Variants in MAPRE2 observed in about 807,000 individuals in gnomAD.
The protein encoded by MAPRE2 is microtubule associated protein RP/EB family member 2.
A neutral mutation model predicts 43.2 loss-of-function variants in MAPRE2; 13 were observed. The observed-to-expected ratio is 0.30, with a 90% confidence interval of 0.20 to 0.48. The LOEUF (loss-of-function observed/expected upper bound fraction) is 0.48, where lower values mean the gene tolerates loss of function less well. Ranked by LOEUF, MAPRE2 falls within the 20% of genes least tolerant of loss-of-function variation. The pLI, the probability that MAPRE2 is intolerant of heterozygous loss-of-function variation, is 0.99. For synonymous variants in MAPRE2, 135 were observed against 148.8 expected, an observed-to-expected ratio of 0.91 and a Z score of 0.68; for missense variants, 161 against 400.2, an observed-to-expected ratio of 0.40 and a Z score of 5.10.
intron 1 of MAPRE2, among the ~76,000 whole-genome samples, chr18:35,054,427 T>C (rs1230301635): frequency 6.6e-6 from 1 of 152,236 alleles, no homozygotes; most frequent in South Asian, 2.1e-4. Context: ...GTGCCACTTA[T>C]TTCGTTTAAC....
intron 1 of MAPRE2, among the ~76,000 whole-genome samples, chr18:34,991,802 C>T (rs546430811): frequency 1.5e-4 from 23 of 152,252 alleles, no homozygotes; most frequent in South Asian, 1.0e-3. Flanking sequence ...AGCAATCTGA[C>T]GCAGGTAAGC....
intron 2 of MAPRE2, among the ~76,000 whole-genome samples, chr18:35,084,299 A>G (rs1280118079): frequency 1.3e-5 from 2 of 152,266 alleles, no homozygotes; most frequent in East Asian, 3.9e-4. Context: ...ATAAAATAAC[A>G]TTACTTTTTA....
chr18:35,116,395 A>G (rs1909413023), intron 4 of MAPRE2, among the ~76,000 whole-genome samples: 1 of 152,218 alleles, frequency 6.6e-6, no homozygotes, highest in Non-Finnish European at 1.5e-5. Flanking sequence ...GCAGCTTAAA[A>G]CAACACTTAT....
At chr18:35,081,273 A>T (rs747547554) in intron 2 of MAPRE2, among the ~76,000 whole-genome samples, 2 of 152,146 alleles carry the variant, frequency 1.3e-5, no homozygotes, top group African/African-American at 2.4e-5. Context: ...CCCTGAAGTA[A>T]ATACTGTGCA....
intron 2 of MAPRE2, chr18:35,005,638 T>G (rs1180525694): frequency 3.7e-6 from 3 of 812,644 alleles, no homozygotes; most frequent in Middle Eastern, 2.3e-4. Context: ...TGTAACAAAT[T>G]TATTTTCAAA....
chr18:35,075,602 A>G lies in MAPRE2; in HGVS notation c.250+5280A>G, dbSNP rs77057534. The stretch of plus-strand genomic sequence containing the variant: ...ATTATATTACTATTGTTAGGGAGGT[A>G]ATTGTAATGGAATATTATTCATACT... On this transcript the variant is annotated intron_variant, in intron 2 of 6. Transcript: ENST00000300249. Among the ~76,000 whole-genome samples the G allele has an allele frequency of 6.4e-3, 970 of 152,352 alleles. 8 individuals are homozygous for G. The highest frequency in any genetic ancestry group is 0.022 in the African/African-American group (935 of 41,572).
chr18:35,036,691 G>C (rs2097050755), upstream of MAPRE2, among the ~76,000 whole-genome samples: 1 of 152,036 alleles, frequency 6.6e-6, no homozygotes, highest in African/African-American at 2.4e-5. Flanking sequence ...TGAACTTTTG[G>C]GCTAAGAAAA....
rs200112747 is a variant in MAPRE2 at position 35,008,646 on chromosome 18, T to TA, written c.-8+3099dup. Among the ~76,000 whole-genome samples the TA allele has an allele frequency of 2.4e-3, 366 of 152,344 alleles. 4 individuals are homozygous for TA. Among genetic ancestry groups the TA allele is most frequent in the African/African-American group, 8.4e-3 (349 of 41,582 alleles). ...TCTTACTATCTTCCCATTTTCACTATAAAAAATGCTATGCTAAATTTTTAT... is the reference window on the plus strand; with the variant it reads ...TCTTACTATCTTCCCATTTTCACTATAAAAAAATGCTATGCTAAATTTTTAT... On this transcript the variant is annotated intron_variant, in intron 2 of 7. Transcript: ENST00000413393.
At chr18:35,117,054 CAG>C (rs1449910378) in intron 4 of MAPRE2, among the ~76,000 whole-genome samples, 1 of 152,170 alleles carries the variant, frequency 6.6e-6, no homozygotes, top group Non-Finnish European at 1.5e-5. Context: ...TGGGAGAAGA[CAG>C]TGGCCTTAAT....
intron 4 of MAPRE2, among the ~76,000 whole-genome samples, chr18:35,125,871 C>T (rs1909882949): frequency 6.6e-6 from 1 of 152,186 alleles, no homozygotes; most frequent in East Asian, 1.9e-4. Context: ...AAGTGGATCA[C>T]TTCCTTAAGG....
At position 34,982,777 on chromosome 18, in the gene MAPRE2, C is replaced by T. The variant is rs1028133667; in HGVS notation, c.-70+5698C>T. On this transcript the variant is annotated intron_variant, in intron 1 of 7. Transcript: ENST00000413393. ...TTAAGCTGTGTTGAGATAAAACTCA[C>T]GACTCCATCTGTTTCTAGAATCAGC... Among the ~76,000 whole-genome samples, 6 of 152,166 alleles carry T rather than the reference C, an allele frequency of 3.9e-5. No individual in the cohort carries two copies. In the South Asian group the frequency reaches 6.2e-4, roughly 16 times the overall value.
chr18:35,062,475 G>A (rs911361897), intron 1 of MAPRE2, among the ~76,000 whole-genome samples: 2 of 152,166 alleles, frequency 1.3e-5, no homozygotes, highest in African/African-American at 2.4e-5. Context: ...CTTTACAAGC[G>A]CATTTGAAAT....
chr18:34,991,574 G>A (rs558473502), intron 1 of MAPRE2, among the ~76,000 whole-genome samples: 28 of 152,164 alleles, frequency 1.8e-4, no homozygotes, highest in African/African-American at 4.6e-4. Flanking sequence ...GGAGTCTACC[G>A]CTATATTATA....
intron 4 of MAPRE2, among the ~76,000 whole-genome samples, chr18:35,115,846 C>T (rs1029851306): frequency 5.3e-5 from 8 of 152,156 alleles, no homozygotes; most frequent in African/African-American, 9.7e-5. Flanking sequence ...GTGCATGTGT[C>T]TTTTTCATAT....
At chr18:35,041,887 C>G in intron 1 of MAPRE2, 1 of 1,030,598 alleles carries the variant, frequency 9.7e-7, no homozygotes, top group Non-Finnish European at 1.4e-6. Context: ...TTGCTGCCTT[C>G]GAGGGGTCTC....
At chr18:35,076,495 C>G (rs925374489) in intron 2 of MAPRE2, among the ~76,000 whole-genome samples, 1 of 152,130 alleles carries the variant, frequency 6.6e-6, no homozygotes, top group African/African-American at 2.4e-5. Flanking sequence ...CCCCCTCCCT[C>G]TTAAGTCAGA....
chr18:35,028,922 C>T (rs1356493266), intron 2 of MAPRE2, among the ~76,000 whole-genome samples: 1 of 152,184 alleles, frequency 6.6e-6, no homozygotes, highest in Non-Finnish European at 1.5e-5. Context: ...TTATGTCTCA[C>T]ATATTAAGAC....
upstream of MAPRE2, among the ~76,000 whole-genome samples, chr18:35,041,135 T>G (rs1905319346): frequency 6.6e-6 from 1 of 152,100 alleles, no homozygotes; most frequent in African/African-American, 2.4e-5. Context: ...GGAAAGGAAA[T>G]GGTTAGAGGA....
At chr18:34,983,944 C>CT (rs1287432846) in intron 1 of MAPRE2, among the ~76,000 whole-genome samples, 1 of 152,180 alleles carries the variant, frequency 6.6e-6, no homozygotes, top group Non-Finnish European at 1.5e-5. Flanking sequence ...AATAGCACTC[C>CT]TTTTCTAAAA....
Sources: allele counts gnomAD v4.1 joint callset (sites outside exome capture counted in the v4.1 genomes callset), GRCh38; gene constraint gnomAD v4.1.1; transcripts MANE v1.5; gene names NCBI Gene and HGNC (gene_info 2026-07-23, HGNC 2026-07-21).